Variants in PRDX3 observed in about 807,000 individuals in gnomAD.
PRDX3 encodes the protein thioredoxin-dependent peroxide reductase, mitochondrial.
A neutral mutation model predicts 30.4 loss-of-function variants in PRDX3; 20 were observed. That is an observed-to-expected ratio of 0.66 (90% CI 0.46 to 0.96). PRDX3 has a LOEUF of 0.96. Ranked by LOEUF, PRDX3 falls within the 40% of genes least tolerant of loss-of-function variation. The pLI, the probability that PRDX3 is intolerant of heterozygous loss-of-function variation, is 0.00. For synonymous variants in PRDX3, 124 were observed against 117.8 expected (o/e 1.05, Z -0.34); for missense variants, 322 against 318.3 (o/e 1.01, Z -0.09).
At chr10:119,174,663 T>G in intron 2 of PRDX3, 71 bp from the exon 3 acceptor site, 1 of 1,394,438 alleles carries the variant, frequency 7.2e-7, no homozygotes, top group Non-Finnish European at 9.6e-7. Context: ...TTATTTAAAC[T>G]TCTCATAATT....
intron 4 of PRDX3, among the ~76,000 whole-genome samples, chr10:119,172,765 C>A (rs909993936): frequency 2.0e-5 from 3 of 152,004 alleles, no homozygotes; most frequent in African/African-American, 7.3e-5. Context: ...ATACTATAGA[C>A]CTTTTCCAAT....
intron 4 of PRDX3, among the ~76,000 whole-genome samples, chr10:119,173,436 C>T (rs925924775): frequency 6.6e-6 from 1 of 151,830 alleles, no homozygotes; most frequent in Admixed American, 6.6e-5. Flanking sequence ...ATGGAGACAC[C>T]CCGTCTCTAC....
At position 119,168,479 on chromosome 10, in the gene PRDX3, TCTA is replaced by T; in HGVS notation, c.769_771del (p.Ter257delextTer10). 1.2e-6 allele frequency: 2 copies of T among 1,613,744 alleles called. No individual in the cohort carries two copies. The highest frequency in any genetic ancestry group is 1.7e-6 in the Non-Finnish European group (2 of 1,180,000). On this transcript the variant is annotated stop_lost and inframe_deletion, in exon 7 of 7. Coordinates refer to ENST00000298510, the MANE Select transcript of PRDX3 (RefSeq NM_006793.5). ...AGAAGGTGCAGATACACATGGGTGA[TCTA>T]CTGATTTACCTTCTGAAAGTACTCT...
rs1847801361 is a variant in PRDX3, at chr10:119,167,772, AAAAT to A, written c.*704_*707del. The A allele has an allele frequency of 6.6e-6, 1 of 152,268 alleles. No individual in the cohort carries two copies. The highest frequency in any genetic ancestry group is 1.5e-5 in the Non-Finnish European group (1 of 68,046). 9.4% of individuals were successfully genotyped at this position (152,268 alleles called of 1,614,324 possible). ...TTTTACAATGAATACTTCAGCAAAG[AAAAT>A]AATTATAATTTCAAAATGCAATCCC... On this transcript the variant is annotated 3_prime_UTR_variant, in exon 7 of 7. Coordinates refer to ENST00000298510, the MANE Select transcript of PRDX3 (RefSeq NM_006793.5).
intron 4 of PRDX3, among the ~76,000 whole-genome samples, 179 bp from the exon 5 acceptor site, chr10:119,172,664 T>C (rs2133656849): frequency 6.6e-6 from 1 of 152,296 alleles, no homozygotes; most frequent in Middle Eastern, 3.4e-3. Flanking sequence ...GAAGACACTA[T>C]CAAAATGAGG....
chr10:119,174,643 A>C, intron 2 of PRDX3, 51 bp from the exon 3 acceptor site: 1 of 1,492,922 alleles, frequency 6.7e-7, no homozygotes. Context: ...TATGTCAAGC[A>C]CCTATGATTT....
intron 6 of PRDX3, 48 bp downstream of exon 6, chr10:119,169,129 G>C (rs368543358): frequency 6.3e-7 from 1 of 1,592,294 alleles, no homozygotes; most frequent in Middle Eastern, 2.3e-4. Flanking sequence ...AATAGCTCTC[G>C]AGGCTGAGAG....
At chr10:119,172,514 A>G (rs1847929106) in intron 4 of PRDX3, 29 bp from the exon 5 acceptor site, 1 of 1,564,668 alleles carries the variant, frequency 6.4e-7, no homozygotes, top group East Asian at 2.2e-5. Flanking sequence ...TGACTGTTAG[A>G]ATGTGTGGCC....
At position 119,169,303 on chromosome 10, in the gene PRDX3, A is replaced by G. The variant is rs2133649934; in HGVS notation, c.591T>C (p.His197=). 6.2e-7 allele frequency: 1 copy of G among 1,614,096 alleles called. No individual in the cohort carries two copies. ...CCACTGGGAGATCGTTGACGCTCAAATGCTTGATGACTCCATTGGGGTCAA... is the reference window on the plus strand; with the variant it reads ...CCACTGGGAGATCGTTGACGCTCAAGTGCTTGATGACTCCATTGGGGTCAA... ...FIIDPNGVIK[H]LSVNDLPVGR... Residue 197 remains histidine, a synonymous_variant, in exon 6 of 7, where the codon CAT becomes CAC. Transcript: ENST00000298510.
intron 6 of PRDX3, among the ~76,000 whole-genome samples, chr10:119,168,880 G>A (rs1847830440): frequency 6.6e-6 from 1 of 150,380 alleles, no homozygotes; most frequent in Non-Finnish European, 1.5e-5. Flanking sequence ...GGCTGAGGCA[G>A]GACAATGGCG....
intron 1 of PRDX3, 50 bp from the exon 2 acceptor site, chr10:119,177,203 A>C (rs1299256160): frequency 6.3e-7 from 1 of 1,597,022 alleles, no homozygotes; most frequent in South Asian, 1.1e-5. Flanking sequence ...TGGTGACTGA[A>C]GGCTGAAAGG....
At chr10:119,177,289 G>T (rs1001995381) in intron 1 of PRDX3, 136 bp from the exon 2 acceptor site, 2 of 796,884 alleles carry the variant, frequency 2.5e-6, no homozygotes, top group African/African-American at 3.4e-5. Flanking sequence ...TAAGAGCATG[G>T]ATTGGATCTG....
At chr10:119,176,988 C>G (rs1050529608) in intron 2 of PRDX3, 33 bp downstream of exon 2, 3 of 1,612,638 alleles carry the variant, frequency 1.9e-6, no homozygotes, top group African/African-American at 1.3e-5. Context: ...TTTCCTTTAC[C>G]TGGCTCCAGC....
chr10:119,169,071 T>A, intron 6 of PRDX3, 106 bp downstream of exon 6: 3 of 1,092,818 alleles, frequency 2.7e-6, no homozygotes, highest in Non-Finnish European at 2.6e-6. Flanking sequence ...GCATATCATC[T>A]GCACGCTTGC....
chr10:119,175,710 A>G (rs186028965), intron 2 of PRDX3, among the ~76,000 whole-genome samples: 2 of 150,446 alleles, frequency 1.3e-5, no homozygotes, highest in Non-Finnish European at 1.5e-5. Flanking sequence ...GGGGGTTTTT[A>G]GGAAGATTAG....
intron 1 of PRDX3, 68 bp from the exon 2 acceptor site, chr10:119,177,221 G>T: frequency 6.5e-7 from 1 of 1,542,324 alleles, no homozygotes; most frequent in Non-Finnish European, 8.9e-7. Flanking sequence ...AGGGCATCGT[G>T]CCAACGGTGG....
At chr10:119,172,511 T>C (rs1847928940) in intron 4 of PRDX3, 26 bp from the exon 5 acceptor site, 1 of 1,575,818 alleles carries the variant, frequency 6.3e-7, no homozygotes, top group Admixed American at 1.7e-5. Context: ...ACATGACTGT[T>C]AGAATGTGTG....
intron 1 of PRDX3, 77 bp downstream of exon 1, chr10:119,178,678 C>T: frequency 6.6e-7 from 1 of 1,509,260 alleles, no homozygotes; most frequent in Non-Finnish European, 9.0e-7. Context: ...TGCCCAGAAG[C>T]GCGGGGTCCT....
chr10:119,172,339 A>C (rs369022415), intron 5 of PRDX3, 43 bp downstream of exon 5: 19 of 1,485,734 alleles, frequency 1.3e-5, no homozygotes, highest in Non-Finnish European at 1.8e-5. Flanking sequence ...AATGATACTA[A>C]ACATGAAAAA....
Sources: allele counts gnomAD v4.1 joint callset (sites outside exome capture counted in the v4.1 genomes callset), GRCh38; gene constraint gnomAD v4.1.1; transcripts MANE v1.5; gene names NCBI Gene and HGNC (gene_info 2026-07-23, HGNC 2026-07-21).